Variants in MIDEAS observed in about 807,000 individuals in gnomAD.
The protein encoded by MIDEAS is mitotic deacetylase-associated SANT domain protein.
MIDEAS carries 26 observed loss-of-function variants against 102.7 expected under a neutral mutation model. That is an observed-to-expected ratio of 0.25 (90% CI 0.19 to 0.35). The LOEUF is 0.35. Ranked by LOEUF, MIDEAS falls within the 10% of genes least tolerant of loss-of-function variation. The pLI is 1.00. For synonymous variants in MIDEAS, 585 were observed against 591.0 expected, an observed-to-expected ratio of 0.99 and a Z score of 0.15; for missense variants, 1,231 against 1,435.6, an observed-to-expected ratio of 0.86 and a Z score of 2.30.
intron 1 of MIDEAS, among the ~76,000 whole-genome samples, chr14:73,785,172 C>G (rs1344667431): frequency 1.3e-5 from 2 of 152,366 alleles, no homozygotes; most frequent in Admixed American, 6.5e-5. Flanking sequence ...AGGGAGTTAT[C>G]AGGTTGAGAT....
chr14:73,782,372 T>G (rs114283879), intron 1 of MIDEAS, among the ~76,000 whole-genome samples: 1,733 of 152,102 alleles, frequency 0.011, 36 homozygotes, highest in African/African-American at 0.04. Flanking sequence ...TATATATATA[T>G]AGATATATGA....
In MIDEAS at chr14:73,759,137, T is replaced by C. The variant is rs969338776; in HGVS notation, c.-248+626A>G. Among the ~76,000 whole-genome samples, 5 of 152,114 alleles carry C rather than the reference T, an allele frequency of 3.3e-5. No individual in the cohort carries two copies. The highest frequency in any genetic ancestry group is 1.2e-4 in the African/African-American group (5 of 41,432). On this transcript the variant is annotated intron_variant, in intron 1 of 12. Transcript: ENST00000423556. This position sits in a 1 kb window ranked among gnomAD's most constrained non-coding sequence, Gnocchi z 6.7. ...CCCGCCCGCGCGAAGCGCTCCAGCC[T>C]AGGCCTCTGCTGACTGCATTTGCCC...
intron 1 of MIDEAS, among the ~76,000 whole-genome samples, chr14:73,785,221 C>A (rs1354978002): frequency 6.6e-6 from 1 of 152,232 alleles, no homozygotes; most frequent in African/African-American, 2.4e-5. Flanking sequence ...AAATCCAATA[C>A]ACGCCTTTTT....
intron 1 of MIDEAS, among the ~76,000 whole-genome samples, chr14:73,781,500 G>A (rs1410991590): frequency 6.7e-6 from 1 of 150,220 alleles, no homozygotes; most frequent in African/African-American, 2.5e-5. Flanking sequence ...TTTGGGAGGC[G>A]GAGGAGGGCA....
chr14:73,761,240 T>A (rs931317373), upstream of MIDEAS, among the ~76,000 whole-genome samples: 3 of 152,078 alleles, frequency 2.0e-5, no homozygotes, highest in African/African-American at 7.2e-5. Context: ...ACCAGGTGCA[T>A]CCCTCACTTT....
chr14:73,733,449 C>T (rs1229256841), intron 3 of MIDEAS, among the ~76,000 whole-genome samples: 3 of 151,650 alleles, frequency 2.0e-5, no homozygotes, highest in East Asian at 2.0e-4. Context: ...AATTAGCTGG[C>T]GTGGTGGCCT....
At position 73,718,696 on chromosome 14, in the gene MIDEAS, G is replaced by GT. The variant is rs1047265421; in HGVS notation, c.*146dup. The stretch of plus-strand genomic sequence containing the variant: ...CAGGGCCTTCATAAATAAAAGAGCC[G>GT]TTTATGTCATTGTCTCATTTGTTTC... On this transcript the variant is annotated 3_prime_UTR_variant, in exon 13 of 13. Coordinates refer to ENST00000423556, the MANE Select transcript of MIDEAS (RefSeq NM_001367710.1). 11 of 823,612 alleles carry GT rather than the reference G, an allele frequency of 1.3e-5. No homozygotes were observed. Among genetic ancestry groups the GT allele is most frequent in the East Asian group, 6.9e-5 (2 of 28,860 alleles). 51.0% of individuals were successfully genotyped at this position (823,612 alleles called of 1,614,324 possible). A position where few individuals can be genotyped will look rare whatever the true frequency, so the allele number is the denominator to read the frequency against.
At chr14:73,753,277 T>C (rs2053443828) in intron 1 of MIDEAS, among the ~76,000 whole-genome samples, 1 of 151,942 alleles carries the variant, frequency 6.6e-6, no homozygotes, top group Non-Finnish European at 1.5e-5. Context: ...GCCCAAGATA[T>C]CTCCCCTACC....
At chr14:73,777,841 C>T (rs946874507) in intron 1 of MIDEAS, among the ~76,000 whole-genome samples, 1 of 151,952 alleles carries the variant, frequency 6.6e-6, no homozygotes, top group African/African-American at 2.4e-5. Context: ...AGCGCAGGAG[C>T]CCCCTGAACA....
chr14:73,751,014 A>G (rs573655403), intron 1 of MIDEAS, among the ~76,000 whole-genome samples: 104 of 152,326 alleles, frequency 6.8e-4, no homozygotes, highest in African/African-American at 2.4e-3. Flanking sequence ...AAAGGTAGAT[A>G]TTATCATTAT....
intron 1 of MIDEAS, among the ~76,000 whole-genome samples, chr14:73,785,190 G>A (rs1006993657): frequency 6.6e-6 from 1 of 152,248 alleles, no homozygotes; most frequent in African/African-American, 2.4e-5. Context: ...GATTTAGAAT[G>A]TGAAAACGAT....
rs1595243898 is a variant in MIDEAS, at chr14:73,715,891, G to A, written c.*2952C>T. The A allele has an allele frequency of 3.3e-5, 5 of 152,584 alleles. No homozygotes were observed. Among genetic ancestry groups the A allele is most frequent in the Admixed American group, 3.3e-4 (5 of 15,294 alleles). 9.5% of individuals were successfully genotyped at this position (152,584 alleles called of 1,614,324 possible). ...GGGTGGTATGTACCTTAGCTGTGAG[G>A]GGGGCTGCTGAAGGCATGGAGGACA... On this transcript the variant is annotated 3_prime_UTR_variant, in exon 13 of 13. Coordinates refer to ENST00000423556, the MANE Select transcript of MIDEAS (RefSeq NM_001367710.1).
intron 1 of MIDEAS, among the ~76,000 whole-genome samples, chr14:73,771,059 AACAC>A (rs372660555): frequency 1.3e-5 from 2 of 151,578 alleles, no homozygotes; most frequent in African/African-American, 4.8e-5. Flanking sequence ...CCCACCTCCA[AACAC>A]ACACACACAC....
intron 1 of MIDEAS, among the ~76,000 whole-genome samples, chr14:73,749,267 T>C (rs1199992636): frequency 7.2e-6 from 1 of 138,280 alleles, no homozygotes; most frequent in African/African-American, 3.0e-5. Context: ...CCCGGCACAG[T>C]GGTGCCTGTA....
At position 73,742,525 on chromosome 14, in the gene MIDEAS, G is replaced by A. The variant is rs528542656; in HGVS notation, c.-247-2270C>T. ...ACAGGGGCTTACCCACAGCTGTATGGTCAGCCCTGGAGGAGCTGAGCTCAG... is the reference window on the plus strand; with the variant it reads ...ACAGGGGCTTACCCACAGCTGTATGATCAGCCCTGGAGGAGCTGAGCTCAG... On this transcript the variant is annotated intron_variant, in intron 1 of 12. Coordinates refer to ENST00000423556, the MANE Select transcript of MIDEAS (RefSeq NM_001367710.1). This position sits in a 1 kb window ranked among gnomAD's most constrained non-coding sequence, Gnocchi z 4.4. Among the ~76,000 whole-genome samples, 1 of 152,356 alleles carries A rather than the reference G, an allele frequency of 6.6e-6. No individual in the cohort carries two copies. Among genetic ancestry groups the A allele is most frequent in the Non-Finnish European group, 1.5e-5 (1 of 68,016 alleles).
chr14:73,747,909 G>A (rs2053373877), intron 1 of MIDEAS, among the ~76,000 whole-genome samples: 1 of 152,120 alleles, frequency 6.6e-6, no homozygotes, highest in South Asian at 2.1e-4. Flanking sequence ...AGCCCTGAGG[G>A]GACTCTGCTC....
At chr14:73,746,057 T>C (rs1283165159) in intron 1 of MIDEAS, among the ~76,000 whole-genome samples, 1 of 152,182 alleles carries the variant, frequency 6.6e-6, no homozygotes, top group East Asian at 1.9e-4. Flanking sequence ...TGCCTGAAGT[T>C]TGAGCTTACA....
At chr14:73,762,447 A>G (rs2053561881), upstream of MIDEAS, among the ~76,000 whole-genome samples, 1 of 152,214 alleles carries the variant, frequency 6.6e-6, no homozygotes, top group Non-Finnish European at 1.5e-5. Context: ...CTAAACTTCC[A>G]AATTCAGGCC....
intron 1 of MIDEAS, among the ~76,000 whole-genome samples, chr14:73,776,055 T>C (rs947311025): frequency 6.6e-6 from 1 of 151,982 alleles, no homozygotes; most frequent in Admixed American, 6.6e-5. Flanking sequence ...ACTTCTAGTC[T>C]GAAAAGCAAA....
Sources: allele counts gnomAD v4.1 joint callset (sites outside exome capture counted in the v4.1 genomes callset), GRCh38; gene constraint gnomAD v4.1.1; non-coding constraint Gnocchi (gnomAD v3.1); transcripts MANE v1.5; gene names NCBI Gene and HGNC (gene_info 2026-07-23, HGNC 2026-07-21).